The following MYO1C variants were observed in gnomAD, a reference collection of about 807,000 sequenced individuals.
The protein encoded by MYO1C is myosin IC, also known as unconventional myosin-Ic.
Under a neutral mutation model 150.8 loss-of-function variants are expected in MYO1C, and 104 were observed. The observed-to-expected ratio is 0.69, with a 90% confidence interval of 0.59 to 0.81. The LOEUF is 0.81. Among genes scored for constraint, MYO1C ranks in the 30% least tolerant of loss-of-function variants. MYO1C has a pLI of 0.00. For synonymous variants in MYO1C, 663 were observed against 579.9 expected, an observed-to-expected ratio of 1.14 and a Z score of -2.06; for missense variants, 1,504 against 1,435.0, an observed-to-expected ratio of 1.05 and a Z score of -0.78.
At chr17:1,474,515 CG>C (rs1444865137) in intron 17 of MYO1C, 94 bp downstream of exon 17, 1 of 1,296,202 alleles carries the variant, frequency 7.7e-7, no homozygotes, top group Non-Finnish European at 1.1e-6. Flanking sequence ...GGCTCACACG[CG>C]TTCACACGCA....
intron 29 of MYO1C, 58 bp from the exon 30 acceptor site, chr17:1,467,635 C>A: frequency 6.7e-7 from 1 of 1,500,854 alleles, no homozygotes. Context: ...GGAACCCCCG[C>A]CCCACCTCCC....
At chr17:1,470,764 C>CGAGTGGCATGAATGGGA (rs1567517599) in intron 21 of MYO1C, 75 bp from the exon 22 acceptor site, 1 of 1,455,632 alleles carries the variant, frequency 6.9e-7, no homozygotes, top group Non-Finnish European at 9.4e-7. Context: ...GTGCGCTCCA[C>CGAGTGGCATGAATGGGA]GAGTGGCATG....
chr17:1,482,594 C>G, intron 4 of MYO1C, 36 bp from the exon 5 acceptor site: 2 of 1,581,900 alleles, frequency 1.3e-6, no homozygotes, highest in Non-Finnish European at 1.7e-6. Context: ...ACACCTGGCA[C>G]TCTCCCCCTG....
rs771597374 is a variant in MYO1C, at chr17:1,477,486, G to A, written c.1574+19C>T. On this transcript the variant is annotated intron_variant, in intron 14 of 31. Transcript: ENST00000648651. Reference sequence around the variant, plus strand: ...TGCAAGTGAGCCCTTGCCCCCAGCAGCCCCGCAGCCCCACTCACGTCAGGA... The same window carrying A: ...TGCAAGTGAGCCCTTGCCCCCAGCAACCCCGCAGCCCCACTCACGTCAGGA... The A allele has an allele frequency of 1.1e-5, 17 of 1,610,628 alleles. No individual in the cohort carries two copies. The South Asian group carries it at 1.9e-4, about 18-fold the overall frequency.
In MYO1C at chr17:1,470,301, G is replaced by A. The variant is rs1373463437; in HGVS notation, c.2400C>T (p.Pro800=). ...GGAAGAAGGCGTTCTCGGGGCAGCG[G>A]GGGGCGTGGCGCAGGACGAAGCCTC... ...LIRGFVLRHA[P]RCPENAFFLD... Residue 800 remains proline, a synonymous_variant, in exon 24 of 32, where the codon CCC becomes CCT. Coordinates refer to ENST00000648651, the MANE Select transcript of MYO1C (RefSeq NM_001080779.2). The A allele has an allele frequency of 1.1e-5, 17 of 1,575,754 alleles. No individual in the cohort carries two copies. Among genetic ancestry groups the A allele is most frequent in the African/African-American group, 1.3e-5 (1 of 74,246 alleles).
intron 24 of MYO1C, 103 bp from the exon 25 acceptor site, chr17:1,469,717 C>G (rs2074259024): frequency 1.0e-6 from 1 of 954,386 alleles, no homozygotes; most frequent in Non-Finnish European, 1.6e-6. Flanking sequence ...AACACCCCCT[C>G]CATCTGGAGA....
intron 25 of MYO1C, chr17:1,469,291 T>A: frequency 1.8e-6 from 1 of 553,188 alleles, no homozygotes; most frequent in Non-Finnish European, 3.3e-6. Flanking sequence ...TAGACTGGGG[T>A]AAATACGGTA....
Position 1,470,121 on chromosome 17 carries a change from C to A in MYO1C, c.2526+54G>T, listed in dbSNP as rs543008347. 184 of 1,542,096 alleles carry A rather than the reference C, an allele frequency of 1.2e-4. No individual in the cohort carries two copies. The African/African-American group carries it at 2.0e-3, about 17-fold the overall frequency. On this transcript the variant is annotated intron_variant, in intron 24 of 31. Coordinates refer to ENST00000648651, the MANE Select transcript of MYO1C (RefSeq NM_001080779.2). Reference sequence around the variant, plus strand: ...AATCCTTTGGCCCGAAGAAATCAGACCCTTCTGCTGTGTACTATGATGGTC... The same window carrying A: ...AATCCTTTGGCCCGAAGAAATCAGAACCTTCTGCTGTGTACTATGATGGTC...
rs751189578 is a variant in MYO1C, at chr17:1,468,095, C to A, written c.2789G>T (p.Arg930Leu). Residue 930 changes from arginine (R) to leucine (L), a missense_variant, in exon 28 of 32, where the codon CGC becomes CTC. Physicochemically the swap from Arg to Leu is moderately radical, Grantham distance 102. Transcript: ENST00000648651. ...CCGGGAGCGAGGCTTGTAGCCCTTG[C>A]GGTCGTATTTCACAACAGGCACCGC... The part of the protein sequence containing the change: ...QYAVPVVKYD[R>L]KGYKPRSRQL... 1.9e-6 allele frequency: 3 copies of A among 1,613,436 alleles called. No individual in the cohort carries two copies. In the South Asian group the frequency reaches 3.3e-5, roughly 18 times the overall value.
intron 1 of MYO1C, 172 bp from the exon 2 acceptor site, chr17:1,484,475 TGGGCCGGGTGCGGAAAGCCGGGTGTGGA>T: frequency 1.4e-6 from 1 of 737,602 alleles, no homozygotes; most frequent in South Asian, 1.7e-5. Flanking sequence ...CTGGGTGTGG[TGGGCCGGGTGCGGAAAGCCGGGTGTGGA>T]GGGCCCGGGT....
At chr17:1,473,864 G>A (rs1222158533) in intron 17 of MYO1C, among the ~76,000 whole-genome samples, 9 of 151,688 alleles carry the variant, frequency 5.9e-5, no homozygotes, top group African/African-American at 9.7e-5. Flanking sequence ...CTTCCGCCCC[G>A]TCAGGCCGTT....
intron 1 of MYO1C, chr17:1,485,896 T>G (rs1385026970): frequency 6.1e-6 from 1 of 163,022 alleles, no homozygotes; most frequent in African/African-American, 2.5e-5. Flanking sequence ...CCCCTCCAGG[T>G]GGGGTTGGTG....
In MYO1C at chr17:1,477,935, A is replaced by G. The variant is rs762062856; in HGVS notation, c.1438T>C (p.Cys480Arg). The change falls in exon 13 of 32, where the codon TGT (cysteine) becomes CGT (arginine). Residue 480 changes from cysteine (C) to arginine (R), a missense_variant. Physicochemically the swap from Cys to Arg is radical, Grantham distance 180 (BLOSUM62 -3). Transcript: ENST00000648651. ...PVQYFNNKII[C>R]DLVEEKFKGI... ...TTAAACTTCTCCTCCACCAGATCAC[A>G]GATGATTTTGTTGTTGAAATACTGG... 1.2e-6 allele frequency: 2 copies of G among 1,614,192 alleles called. No individual in the cohort carries two copies. The highest frequency in any genetic ancestry group is 1.7e-6 in the Non-Finnish European group (2 of 1,180,040).
chr17:1,471,342 G>A lies in MYO1C; in HGVS notation c.2022-6C>T, dbSNP rs777774240. 20 of 1,613,036 alleles carry A rather than the reference G, an allele frequency of 1.2e-5. No homozygotes were observed. The highest frequency in any genetic ancestry group is 1.7e-5 in the Non-Finnish European group (20 of 1,179,502). ...CTGGGCACAGTGACTTGTACCTGGG[G>A]ACAGGAATGCACGCGGCTCCCACCC... On this transcript the variant is annotated splice_region_variant and splice_polypyrimidine_tract_variant and intron_variant, in intron 19 of 31. Transcript: ENST00000648651.
At position 1,478,021 on chromosome 17, in the gene MYO1C, C is replaced by T; in HGVS notation, c.1402-50G>A. On this transcript the variant is annotated intron_variant, in intron 12 of 31. Transcript: ENST00000648651. The surrounding 1 kb of genome is among the most constrained non-coding windows in gnomAD (Gnocchi z 6.3). ...GATCACCGTGGGGTCCTGGCACCCTCTCCCAGGGGCCCCGATACCCAGGCT... is the reference window on the plus strand; with the variant it reads ...GATCACCGTGGGGTCCTGGCACCCTTTCCCAGGGGCCCCGATACCCAGGCT... 2 of 1,612,146 alleles carry T rather than the reference C, an allele frequency of 1.2e-6. No homozygotes were observed. Among genetic ancestry groups the T allele is most frequent in the Non-Finnish European group, 1.7e-6 (2 of 1,178,232 alleles).
At chr17:1,484,756 G>GAGGA in intron 1 of MYO1C, 2 of 363,052 alleles carry the variant, frequency 5.5e-6, no homozygotes, top group Non-Finnish European at 1.1e-5. Flanking sequence ...CCTAAAGGAG[G>GAGGA]AGGAGTTGAG....
chr17:1,473,955 G>A (rs1213867586), intron 17 of MYO1C, among the ~76,000 whole-genome samples: 1 of 152,094 alleles, frequency 6.6e-6, no homozygotes, highest in Admixed American at 6.6e-5. Context: ...GTACCTCAGT[G>A]CCTGGCAGTG....
rs932117455 is a variant in MYO1C, at chr17:1,469,433, G to A, written c.2610+98C>T. ...ACGGTAGAACGCGGTAAATACGGTA[G>A]ACCGGGGTAAATGCCCCTCCAGGCG... On this transcript the variant is annotated intron_variant, in intron 25 of 31. Coordinates refer to ENST00000648651, the MANE Select transcript of MYO1C (RefSeq NM_001080779.2). 1.4e-5 allele frequency: 16 copies of A among 1,165,498 alleles called. No individual in the cohort carries two copies. In the African/African-American group the frequency reaches 1.7e-4, roughly 12 times the overall value. 72.2% of individuals were successfully genotyped at this position (1,165,498 alleles called of 1,614,324 possible).
intron 2 of MYO1C, 96 bp downstream of exon 2, chr17:1,484,052 A>T: frequency 1.3e-6 from 2 of 1,506,470 alleles, no homozygotes; most frequent in Non-Finnish European, 1.8e-6. Flanking sequence ...AAAAAAAAAA[A>T]AAAGTTTATC....
Sources: gnomAD v4.1 joint callset for allele counts (sites outside exome capture counted in the v4.1 genomes callset) on GRCh38, gnomAD v4.1.1 for gene constraint, Gnocchi (gnomAD v3.1) non-coding constraint, MANE v1.5 for transcripts, NCBI Gene and HGNC (gene_info 2026-07-23, HGNC 2026-07-21) for gene names.